Variants in GPC5 observed in about 807,000 individuals in gnomAD.
GPC5 encodes the protein glypican-5.
Under a neutral mutation model 53.9 loss-of-function variants are expected in GPC5, and 47 were observed. The observed-to-expected ratio is 0.87, with a 90% CI of 0.69 to 1.11. The LOEUF (loss-of-function observed/expected upper bound fraction) is 1.11. Among genes scored for constraint, GPC5 ranks in the 50% most tolerant of loss-of-function variants. The pLI, the probability that GPC5 is intolerant of heterozygous loss-of-function variation, is 0.00. For missense variants in GPC5, 748 were observed against 713.1 expected, an observed-to-expected ratio of 1.05 and a Z score of -0.56; for synonymous variants, 286 against 263.3, an observed-to-expected ratio of 1.09 and a Z score of -0.84.
At chr13:92,207,276 C>A (rs1008260872) in intron 7 of GPC5, among the ~76,000 whole-genome samples, 2 of 152,154 alleles carry the variant, frequency 1.3e-5, no homozygotes, top group Non-Finnish European at 2.9e-5. Flanking sequence ...CTTTCCACCA[C>A]AATTTTGCCA....
intron 6 of GPC5, among the ~76,000 whole-genome samples, chr13:91,942,654 TG>T (rs1344993950): frequency 2.0e-5 from 2 of 98,632 alleles, no homozygotes; most frequent in African/African-American, 9.1e-5. Context: ...AAAACTCTTG[TG>T]AAAAAAATAT....
chr13:91,948,238 A>T (rs2039993150), intron 6 of GPC5, among the ~76,000 whole-genome samples: 1 of 149,010 alleles, frequency 6.7e-6, no homozygotes, highest in African/African-American at 2.5e-5. Context: ...AAAAAAAAAA[A>T]AAAAATAAAT....
chr13:92,261,644 A>G (rs897602258), intron 7 of GPC5, among the ~76,000 whole-genome samples: 1 of 152,166 alleles, frequency 6.6e-6, no homozygotes, highest in Non-Finnish European at 1.5e-5. Flanking sequence ...ATAATGATGT[A>G]TGGGTGAATA....
intron 7 of GPC5, among the ~76,000 whole-genome samples, chr13:92,541,292 T>C (rs569604762): frequency 1.3e-5 from 2 of 151,986 alleles, no homozygotes; most frequent in South Asian, 4.1e-4. Context: ...ATGAATGGTT[T>C]TGTATCTATG....
intron 6 of GPC5, among the ~76,000 whole-genome samples, chr13:92,034,811 C>CT (rs1337006523): frequency 6.6e-6 from 1 of 152,068 alleles, no homozygotes; most frequent in African/African-American, 2.4e-5. Context: ...TTATGTAACT[C>CT]TAAAAATTGT....
At chr13:91,966,576 C>T (rs1182138351) in intron 6 of GPC5, among the ~76,000 whole-genome samples, 2 of 152,146 alleles carry the variant, frequency 1.3e-5, no homozygotes, top group Non-Finnish European at 2.9e-5. Flanking sequence ...AAAATATTTC[C>T]TTGCAACTTA....
chr13:91,902,734 T>G (rs1245475778), intron 5 of GPC5, among the ~76,000 whole-genome samples: 2 of 152,058 alleles, frequency 1.3e-5, no homozygotes, highest in Non-Finnish European at 2.9e-5. Context: ...AAATTATTGG[T>G]TACAAAAAAA....
At chr13:92,530,273 T>C (rs75715755) in intron 7 of GPC5, among the ~76,000 whole-genome samples, 3,939 of 152,194 alleles carry the variant, frequency 0.026, 189 homozygotes, top group African/African-American at 0.09. Context: ...ACTTTTTTCA[T>C]CACGCATTAG....
At chr13:92,411,593 T>C (rs1012998335) in intron 7 of GPC5, among the ~76,000 whole-genome samples, 1 of 152,216 alleles carries the variant, frequency 6.6e-6, no homozygotes, top group African/African-American at 2.4e-5. Flanking sequence ...TGTCCTAAGA[T>C]AATCACGTTG....
chr13:92,666,278 T>C, intron 7 of GPC5, among the ~76,000 whole-genome samples: 1 of 152,186 alleles, frequency 6.6e-6, no homozygotes, highest in East Asian at 1.9e-4. Context: ...ATTCAAATTG[T>C]CAGTGATTTT....
intron 7 of GPC5, among the ~76,000 whole-genome samples, chr13:92,805,857 G>A (rs997163877): frequency 6.6e-6 from 1 of 152,022 alleles, no homozygotes; most frequent in African/African-American, 2.4e-5. Context: ...AGCACTGGCA[G>A]AGTAAATTTA....
intron 6 of GPC5, among the ~76,000 whole-genome samples, chr13:92,026,159 C>A (rs971281619): frequency 6.6e-6 from 1 of 151,930 alleles, no homozygotes; most frequent in Non-Finnish European, 1.5e-5. Flanking sequence ...TGTTCTAAAT[C>A]CTTGTTTTTC....
At chr13:91,794,601 T>C (rs992150126) in intron 5 of GPC5, among the ~76,000 whole-genome samples, 1 of 152,212 alleles carries the variant, frequency 6.6e-6, no homozygotes, top group Non-Finnish European at 1.5e-5. Flanking sequence ...TTTTGGAAAA[T>C]ATCCTATTCT....
chr13:91,654,099 T>C (rs2034787954), intron 2 of GPC5, among the ~76,000 whole-genome samples: 2 of 152,182 alleles, frequency 1.3e-5, no homozygotes, highest in South Asian at 4.1e-4. Context: ...CACCCATAGA[T>C]TTCAGTTGGA....
chr13:92,441,405 T>G (rs1442038931), intron 7 of GPC5, among the ~76,000 whole-genome samples: 1 of 152,192 alleles, frequency 6.6e-6, no homozygotes, highest in East Asian at 1.9e-4. Context: ...AGTATCTCTC[T>G]TTGCCTATGA....
chr13:91,956,283 C>A (rs1342331398), intron 6 of GPC5, among the ~76,000 whole-genome samples: 1 of 152,140 alleles, frequency 6.6e-6, no homozygotes, highest in African/African-American at 2.4e-5. Context: ...CCCACCCAAC[C>A]TGCCATTGTC....
intron 7 of GPC5, among the ~76,000 whole-genome samples, chr13:92,372,591 T>G (rs1174600036): frequency 1.3e-5 from 2 of 152,198 alleles, no homozygotes; most frequent in Non-Finnish European, 2.9e-5. Context: ...TCCACTTCCC[T>G]TTACTGAAAA....
chr13:92,328,064 C>T (rs2043264177), intron 7 of GPC5, among the ~76,000 whole-genome samples: 2 of 152,206 alleles, frequency 1.3e-5, no homozygotes, highest in African/African-American at 4.8e-5. Context: ...GCGTACACCT[C>T]TTGTGGCACT....
intron 7 of GPC5, among the ~76,000 whole-genome samples, chr13:92,366,201 A>C (rs776257141): frequency 4.0e-5 from 6 of 151,762 alleles, no homozygotes; most frequent in Non-Finnish European, 5.9e-5. Context: ...TTGTTGACCA[A>C]AACATTGTAT....
Sources: gnomAD v4.1 joint callset for allele counts (sites outside exome capture counted in the v4.1 genomes callset) on GRCh38, gnomAD v4.1.1 for gene constraint, MANE v1.5 for transcripts, NCBI Gene and HGNC (gene_info 2026-07-23, HGNC 2026-07-21) for gene names.